The following FUT8 variants were observed in gnomAD, a reference collection of about 807,000 sequenced individuals.
The protein encoded by FUT8 is alpha-(1,6)-fucosyltransferase.
A neutral mutation model predicts 71.3 loss-of-function variants in FUT8; 29 were observed. The ratio of observed to expected loss-of-function variants is 0.41; its 90% CI spans 0.30 to 0.55. FUT8 has a LOEUF of 0.55. FUT8 is among the 20% of genes least tolerant of loss of function. FUT8 has a pLI of 0.34. For synonymous variants in FUT8, 254 were observed against 239.3 expected, an observed-to-expected ratio of 1.06 and a Z score of -0.57; for missense variants, 544 against 702.1, an observed-to-expected ratio of 0.77 and a Z score of 2.55.
intron 2 of FUT8, among the ~76,000 whole-genome samples, chr14:65,541,933 G>A (rs905531972): frequency 3.9e-5 from 6 of 152,072 alleles, no homozygotes; most frequent in Non-Finnish European, 7.4e-5. Flanking sequence ...CTTAAAGCCA[G>A]CATGTTCTTA....
intron 7 of FUT8, among the ~76,000 whole-genome samples, chr14:65,691,432 A>C (rs1194157429): frequency 2.0e-5 from 3 of 146,428 alleles, no homozygotes; most frequent in Admixed American, 2.0e-4. Flanking sequence ...TTTAATCATG[A>C]ATAGGTGTTG....
intron 7 of FUT8, among the ~76,000 whole-genome samples, chr14:65,720,757 A>G (rs1895373219): frequency 6.6e-6 from 1 of 152,136 alleles, no homozygotes; most frequent in Non-Finnish European, 1.5e-5. Context: ...ACTTCAGCCT[A>G]TAGTGGTGCG....
chr14:65,374,931 C>T, the FUT8 span, among the ~76,000 whole-genome samples: 1 of 152,038 alleles, frequency 6.6e-6, no homozygotes, highest in African/African-American at 2.4e-5. Context: ...TAACTATTCC[C>T]TGCAGGTCTG....
At chr14:65,654,925 C>T (rs1057003414) in intron 6 of FUT8, among the ~76,000 whole-genome samples, 1 of 150,098 alleles carries the variant, frequency 6.7e-6, no homozygotes, top group African/African-American at 2.5e-5. Context: ...GTTTTTGATA[C>T]AGAGTTTTGC....
chr14:65,679,070 G>T (rs1031600068), intron 7 of FUT8, among the ~76,000 whole-genome samples: 2 of 152,108 alleles, frequency 1.3e-5, no homozygotes, highest in Non-Finnish European at 2.9e-5. Context: ...GGATTTTAAG[G>T]CATGGTGAAA....
intron 2 of FUT8, among the ~76,000 whole-genome samples, chr14:65,510,197 T>A (rs1007247798): frequency 3.3e-5 from 5 of 152,158 alleles, no homozygotes; most frequent in Non-Finnish European, 5.9e-5. Context: ...GGTCATATGG[T>A]TTTTGTCCTT....
At chr14:65,434,141 A>G (rs1257021660) in intron 1 of FUT8, among the ~76,000 whole-genome samples, 2 of 152,232 alleles carry the variant, frequency 1.3e-5, no homozygotes, top group Admixed American at 6.5e-5. Context: ...GGAAGCATTA[A>G]AAACAACAAT....
intron 2 of FUT8, among the ~76,000 whole-genome samples, chr14:65,488,125 A>G (rs1403292230): frequency 3.3e-5 from 5 of 152,142 alleles, no homozygotes; most frequent in Non-Finnish European, 7.4e-5. Flanking sequence ...CCCAGCCTGC[A>G]GTGTGTCTTG....
intron 6 of FUT8, among the ~76,000 whole-genome samples, chr14:65,654,841 T>C (rs2140333462): frequency 6.6e-6 from 1 of 151,888 alleles, no homozygotes; most frequent in Admixed American, 6.6e-5. Context: ...GATCTAAACA[T>C]ACCAGTTAAG....
intron 2 of FUT8, among the ~76,000 whole-genome samples, chr14:65,549,222 C>T (rs1885147606): frequency 6.6e-6 from 1 of 152,108 alleles, no homozygotes; most frequent in South Asian, 2.1e-4. Context: ...CTACTCCTAG[C>T]TATTTGACCC....
chr14:65,716,996 C>T (rs1415906709), intron 7 of FUT8, among the ~76,000 whole-genome samples: 6 of 140,740 alleles, frequency 4.3e-5, no homozygotes, highest in Admixed American at 7.1e-5. Context: ...ACTTCCCAGA[C>T]GGGGTGGCCG....
At chr14:65,553,572 T>A (rs1175096034) in intron 2 of FUT8, among the ~76,000 whole-genome samples, 1 of 152,086 alleles carries the variant, frequency 6.6e-6, no homozygotes, top group African/African-American at 2.4e-5. Context: ...TCATTTAACA[T>A]TTTTTATAGT....
intron 6 of FUT8, among the ~76,000 whole-genome samples, chr14:65,648,875 A>G (rs888283581): frequency 6.6e-6 from 1 of 152,180 alleles, no homozygotes; most frequent in Non-Finnish European, 1.5e-5. Flanking sequence ...TGCTATCACA[A>G]GAGGGTCTAG....
chr14:65,474,504 T>C (rs1189296647), intron 2 of FUT8, among the ~76,000 whole-genome samples: 1 of 146,172 alleles, frequency 6.8e-6, no homozygotes, highest in Non-Finnish European at 1.5e-5. Context: ...CTCATGGGGC[T>C]GGGCGAATCG....
chr14:65,724,172 G>A lies in FUT8; in HGVS notation c.1108G>A (p.Val370Met). Residue 370 changes from valine to methionine, a missense_variant, in exon 9 of 11, where the codon GTG becomes ATG. Physicochemically the swap from Val to Met is conservative, Grantham distance 21. Coordinates refer to ENST00000673929, the MANE Select transcript of FUT8 (RefSeq NM_001371533.1). ...AGTCCATGTCAGACGCACAGACAAAGTGGGAACAGAAGCTGCCTTCCATCC... is the reference window on the plus strand; with the variant it reads ...AGTCCATGTCAGACGCACAGACAAAATGGGAACAGAAGCTGCCTTCCATCC... ...IGVHVRRTDK[V>M]GTEAAFHPIE... is the part of the protein sequence containing the mutation. 6.2e-7 allele frequency: 1 copy of A among 1,603,274 alleles called. No individual in the cohort carries two copies. The highest frequency in any genetic ancestry group is 1.1e-5 in the South Asian group (1 of 88,456).
At chr14:65,685,320 A>C (rs943751450) in intron 7 of FUT8, among the ~76,000 whole-genome samples, 2 of 152,234 alleles carry the variant, frequency 1.3e-5, no homozygotes, top group Non-Finnish European at 2.9e-5. Context: ...GGCCGTATAA[A>C]ACAGTGAGAA....
intron 1 of FUT8, among the ~76,000 whole-genome samples, chr14:65,452,255 C>T (rs566800190): frequency 6.6e-6 from 1 of 152,186 alleles, no homozygotes; most frequent in South Asian, 2.1e-4. Flanking sequence ...TTCATAGTCC[C>T]CCTTTAAAAT....
At chr14:65,580,430 G>GT (rs1337429495) in intron 3 of FUT8, among the ~76,000 whole-genome samples, 1 of 151,442 alleles carries the variant, frequency 6.6e-6, no homozygotes, top group Non-Finnish European at 1.5e-5. Context: ...ATATATATAT[G>GT]TGTATATAAT....
chr14:65,579,266 T>C (rs1886952067), intron 3 of FUT8, among the ~76,000 whole-genome samples: 1 of 152,286 alleles, frequency 6.6e-6, no homozygotes, highest in Admixed American at 6.5e-5. Context: ...AAGTTTCCCT[T>C]CCTTTTAGAA....
Sources: gnomAD v4.1 joint callset for allele counts (sites outside exome capture counted in the v4.1 genomes callset) on GRCh38, gnomAD v4.1.1 for gene constraint, MANE v1.5 for transcripts, NCBI Gene and HGNC (gene_info 2026-07-23, HGNC 2026-07-21) for gene names.